The following PLCXD3 variants were observed in gnomAD, a reference collection of about 807,000 sequenced individuals.
PLCXD3 encodes phosphatidylinositol specific phospholipase C X domain containing 3.
In PLCXD3, 19 loss-of-function variants were observed where a neutral mutation model predicts 25.5. The observed-to-expected ratio is 0.75, with a 90% CI of 0.52 to 1.09. PLCXD3 has a LOEUF of 1.09. PLCXD3 is among the 50% of genes least tolerant of loss of function. The pLI is 0.00. For synonymous variants in PLCXD3, 174 were observed against 137.6 expected (o/e 1.26, Z -1.85); for missense variants, 411 against 388.1 (o/e 1.06, Z -0.50).
chr5:41,438,204 A>G (rs1273874784), intron 1 of PLCXD3, among the ~76,000 whole-genome samples: 1 of 152,220 alleles, frequency 6.6e-6, no homozygotes, highest in Admixed American at 6.5e-5. Context: ...AAGAAAATTA[A>G]ATTGCTCACT....
intron 2 of PLCXD3, among the ~76,000 whole-genome samples, chr5:41,376,282 AT>A (rs898704730): frequency 6.6e-6 from 1 of 152,040 alleles, no homozygotes; most frequent in African/African-American, 2.4e-5. Context: ...CATGTCAGCA[AT>A]TTTTATCTCT....
At position 41,307,222 on chromosome 5, in the gene PLCXD3, A is replaced by G. The variant is rs1743026363; in HGVS notation, c.*6395T>C. The G allele has an allele frequency of 6.6e-6, 1 of 152,574 alleles. No individual in the cohort carries two copies. The highest frequency in any genetic ancestry group is 1.5e-5 in the Non-Finnish European group (1 of 68,024). 9.5% of individuals were successfully genotyped at this position (152,574 alleles called of 1,614,324 possible). A position where few individuals can be genotyped will look rare whatever the true frequency, so the allele number is the denominator to read the frequency against. ...CCATCCTCCAGAAATGAAGCAAATC[A>G]ACACAAATGTGTGTAAGCAGGAGTC... On this transcript the variant is annotated 3_prime_UTR_variant, in exon 3 of 3. Coordinates refer to ENST00000377801, the MANE Select transcript of PLCXD3 (RefSeq NM_001005473.3).
intron 1 of PLCXD3, among the ~76,000 whole-genome samples, chr5:41,454,063 A>G (rs953749517): frequency 1.3e-5 from 2 of 152,038 alleles, no homozygotes; most frequent in African/African-American, 4.8e-5. Flanking sequence ...TCAAAACACC[A>G]GAACTCCTTT....
chr5:41,402,909 C>G (rs1386495425), intron 1 of PLCXD3, among the ~76,000 whole-genome samples: 1 of 151,946 alleles, frequency 6.6e-6, no homozygotes, highest in Non-Finnish European at 1.5e-5. Context: ...AAATGAGTTT[C>G]TTGTAGAAAA....
chr5:41,392,225 C>CAT (rs1745848260), intron 1 of PLCXD3, among the ~76,000 whole-genome samples: 1 of 152,132 alleles, frequency 6.6e-6, no homozygotes, highest in Non-Finnish European at 1.5e-5. Context: ...GGAGTGGTTA[C>CAT]AGCCAGTGCT....
chr5:41,403,408 T>TTTTTTTGTTTTGTTTTA (rs1554047965), intron 1 of PLCXD3, among the ~76,000 whole-genome samples: 1 of 26,230 alleles, frequency 3.8e-5, no homozygotes, highest in Non-Finnish European at 9.4e-5. Flanking sequence ...GTTGTTTTTT[T>TTTTTTTGTTTTGTTTTA]TTTTTTTTAT....
chr5:41,468,390 C>T (rs1748074238), intron 1 of PLCXD3, among the ~76,000 whole-genome samples: 1 of 152,012 alleles, frequency 6.6e-6, no homozygotes, highest in African/African-American at 2.4e-5. Flanking sequence ...AATTTAAGGA[C>T]ATTTCTCCAT....
chr5:41,379,252 T>C (rs538310594), intron 2 of PLCXD3, among the ~76,000 whole-genome samples: 44 of 152,240 alleles, frequency 2.9e-4, no homozygotes, highest in African/African-American at 1.0e-3. Flanking sequence ...CTCTGTGGGA[T>C]ACAGTTAAAA....
chr5:41,397,144 G>A (rs1041545640), intron 1 of PLCXD3, among the ~76,000 whole-genome samples: 1 of 152,190 alleles, frequency 6.6e-6, no homozygotes, highest in East Asian at 1.9e-4. Context: ...AAGGCAATGG[G>A]GAAAATATTG....
intron 2 of PLCXD3, among the ~76,000 whole-genome samples, chr5:41,328,338 TG>T (rs1743692620): frequency 6.6e-6 from 1 of 152,180 alleles, no homozygotes. Context: ...GATTAACACC[TG>T]GGCATAATAC....
intron 2 of PLCXD3, among the ~76,000 whole-genome samples, chr5:41,360,304 T>TA (rs1744735558): frequency 6.6e-6 from 1 of 152,224 alleles, no homozygotes; most frequent in South Asian, 2.1e-4. Flanking sequence ...CACCTTTCTC[T>TA]AGTGCCTCCT....
intron 2 of PLCXD3, among the ~76,000 whole-genome samples, chr5:41,360,556 G>T (rs1221492069): frequency 3.9e-5 from 6 of 152,200 alleles, no homozygotes; most frequent in Non-Finnish European, 7.3e-5. Flanking sequence ...GTGCTCCCTT[G>T]ATGTGGTGTT....
intron 1 of PLCXD3, among the ~76,000 whole-genome samples, chr5:41,488,479 C>T (rs318052): frequency 0.99 from 91,967 of 93,312 alleles, 45,318 homozygotes; most frequent in Middle Eastern, 1. Context: ...GTATTTCTAG[C>T]TCTAGATCCC....
At chr5:41,421,591 C>A (rs1477243891) in intron 1 of PLCXD3, among the ~76,000 whole-genome samples, 2 of 152,098 alleles carry the variant, frequency 1.3e-5, no homozygotes, top group East Asian at 3.9e-4. Flanking sequence ...GTCCCAGCTA[C>A]TCGGGAGGCT....
chr5:41,431,422 A>T (rs141609046), intron 1 of PLCXD3, among the ~76,000 whole-genome samples: 1 of 152,330 alleles, frequency 6.6e-6, no homozygotes, highest in Non-Finnish European at 1.5e-5. Flanking sequence ...TTACTTACTG[A>T]TGACTTTTGT....
chr5:41,317,254 G>A (rs373637866), intron 2 of PLCXD3, among the ~76,000 whole-genome samples: 2 of 152,212 alleles, frequency 1.3e-5, no homozygotes, highest in East Asian at 3.8e-4. Context: ...TCTGGACCAA[G>A]GCCATCAAGG....
At chr5:41,458,901 G>A (rs370048604) in intron 1 of PLCXD3, among the ~76,000 whole-genome samples, 60 of 151,934 alleles carry the variant, frequency 3.9e-4, no homozygotes, top group African/African-American at 9.4e-4. Flanking sequence ...TGCAATCTAC[G>A]CTACATTTTA....
rs1206763311 is a variant in PLCXD3, at chr5:41,311,254, A to T, written c.*2363T>A. The T allele has an allele frequency of 6.6e-6, 1 of 152,166 alleles. No homozygotes were observed. The highest frequency in any genetic ancestry group is 1.5e-5 in the Non-Finnish European group (1 of 68,018). The allele number at this position is 152,166 out of a possible 1,614,324, so 9.4% of individuals were successfully genotyped here. On this transcript the variant is annotated 3_prime_UTR_variant, in exon 3 of 3. Coordinates refer to ENST00000377801, the MANE Select transcript of PLCXD3 (RefSeq NM_001005473.3). ...AATCCTAATCATTTTAAAAGGATTC[A>T]TATACATTTTCACATAAAGAGCAGG...
intron 2 of PLCXD3, among the ~76,000 whole-genome samples, chr5:41,369,232 A>G (rs945618292): frequency 2.0e-5 from 3 of 152,158 alleles, no homozygotes; most frequent in Non-Finnish European, 2.9e-5. Flanking sequence ...TGAGACAAGA[A>G]AAAACTAAGT....
Sources: gnomAD v4.1 joint callset for allele counts (sites outside exome capture counted in the v4.1 genomes callset) on GRCh38, gnomAD v4.1.1 for gene constraint, MANE v1.5 for transcripts, NCBI Gene and HGNC (gene_info 2026-07-23, HGNC 2026-07-21) for gene names.